Variants in TMEM65 observed in about 807,000 individuals in gnomAD.
The protein encoded by TMEM65 is transmembrane protein 65.
Under a neutral mutation model 25.4 loss-of-function variants are expected in TMEM65, and 22 were observed. That is an observed-to-expected ratio of 0.86 (90% confidence interval 0.62 to 1.23). The LOEUF (loss-of-function observed/expected upper bound fraction) is 1.23, where lower values mean the gene tolerates loss of function less well. Among genes scored for constraint, TMEM65 ranks in the 50% most tolerant of loss-of-function variants. The pLI, the probability that TMEM65 is intolerant of heterozygous loss-of-function variation, is 0.00. For synonymous variants in TMEM65, 132 were observed against 126.2 expected (o/e 1.05, Z -0.31); for missense variants, 262 against 308.2 (o/e 0.85, Z 1.12).
intron 6 of TMEM65, among the ~76,000 whole-genome samples, chr8:124,318,444 G>A (rs1337047490): frequency 8.1e-6 from 1 of 123,636 alleles, no homozygotes; most frequent in African/African-American, 3.1e-5. Flanking sequence ...GCTTGATCTC[G>A]GCTCACTGCA....
At position 124,372,172 on chromosome 8, in the gene TMEM65, C is replaced by T. The variant is rs1427907367; in HGVS notation, c.-15G>A. ...AGCCGGGACATGGCGAGCTGAGGAGCTGGGACCCCCGCGGCCGTCCGGCAA... is the reference window on the plus strand; with the variant it reads ...AGCCGGGACATGGCGAGCTGAGGAGTTGGGACCCCCGCGGCCGTCCGGCAA... On this transcript the variant is annotated 5_prime_UTR_variant, in exon 1 of 7. Coordinates refer to ENST00000297632, the MANE Select transcript of TMEM65 (RefSeq NM_194291.3). 2.3e-6 allele frequency: 3 copies of T among 1,285,100 alleles called. No homozygotes were observed. The highest frequency in any genetic ancestry group is 4.1e-5 in the Admixed American group (1 of 24,632). The allele number at this position is 1,285,100 out of a possible 1,614,324, so 79.6% of individuals were successfully genotyped here.
intron 6 of TMEM65, among the ~76,000 whole-genome samples, chr8:124,318,233 T>C (rs1169188613): frequency 6.6e-6 from 1 of 152,008 alleles, no homozygotes; most frequent in African/African-American, 2.4e-5. Context: ...ATTGAGCTTC[T>C]AGACAGGAAC....
intron 1 of TMEM65, among the ~76,000 whole-genome samples, chr8:124,337,541 T>C (rs1340614791): frequency 1.3e-5 from 2 of 152,042 alleles, no homozygotes; most frequent in Non-Finnish European, 2.9e-5. Context: ...AAGAAATACA[T>C]AGGATAGAAA....
chr8:124,365,943 G>A (rs767377008), intron 1 of TMEM65, among the ~76,000 whole-genome samples: 1 of 152,170 alleles, frequency 6.6e-6, no homozygotes, highest in Non-Finnish European at 1.5e-5. Context: ...AATACAGGCC[G>A]GGCGTGGAGG....
At chr8:124,364,252 T>A (rs919782252) in intron 1 of TMEM65, among the ~76,000 whole-genome samples, 1 of 152,024 alleles carries the variant, frequency 6.6e-6, no homozygotes, top group Non-Finnish European at 1.5e-5. Context: ...AAAATCAGAC[T>A]TTAGAAACAA....
At chr8:124,356,659 C>T (rs573160207) in intron 1 of TMEM65, among the ~76,000 whole-genome samples, 15 of 152,228 alleles carry the variant, frequency 9.9e-5, no homozygotes, top group African/African-American at 3.4e-4. Flanking sequence ...CACACCTCAG[C>T]CCCAATATTC....
intron 1 of TMEM65, among the ~76,000 whole-genome samples, chr8:124,368,455 G>C (rs1375587046): frequency 6.6e-6 from 1 of 152,048 alleles, no homozygotes; most frequent in Non-Finnish European, 1.5e-5. Flanking sequence ...ACCTTCTGTA[G>C]TACTCTCCCA....
At chr8:124,323,711 G>A (rs1429630682) in intron 3 of TMEM65, among the ~76,000 whole-genome samples, 2 of 151,628 alleles carry the variant, frequency 1.3e-5, no homozygotes, top group Admixed American at 6.6e-5. Flanking sequence ...AAACAAGACC[G>A]ACTCACATTG....
intron 1 of TMEM65, among the ~76,000 whole-genome samples, chr8:124,341,409 C>A (rs535837851): frequency 2.7e-4 from 41 of 152,004 alleles, no homozygotes; most frequent in Admixed American, 1.4e-3. Context: ...GCATTAATAC[C>A]AAAAGTATAC....
rs1489856057 is a variant in TMEM65 at position 124,339,248 on chromosome 8, T to TATATATAA, written c.305-8457_305-8456insTTATATAT. On this transcript the variant is annotated intron_variant, in intron 1 of 6. Coordinates refer to ENST00000297632, the MANE Select transcript of TMEM65 (RefSeq NM_194291.3). ...ATATATATATATATATATATATATATAAAATATTCTTGCAACAAGTAGCTG... is the reference window on the plus strand; with the variant it reads ...ATATATATATATATATATATATATATATATATAAAAAATATTCTTGCAACAAGTAGCTG... Among the ~76,000 whole-genome samples the TATATATAA allele has an allele frequency of 4.6e-3, 481 of 104,296 alleles. 25 individuals carry two copies. Among genetic ancestry groups the TATATATAA allele is most frequent in the African/African-American group, 0.019 (453 of 23,562 alleles). The allele number at this position is 104,296 out of a possible 152,430, so 68.4% of individuals were successfully genotyped here. A position where few individuals can be genotyped will look rare whatever the true frequency, so the allele number is the denominator to read the frequency against.
intron 1 of TMEM65, among the ~76,000 whole-genome samples, chr8:124,331,558 A>C (rs1814432364): frequency 1.3e-5 from 2 of 151,740 alleles, no homozygotes; most frequent in South Asian, 4.1e-4. Context: ...GCCAGAGAGT[A>C]TCTTTACGTG....
At chr8:124,319,366 A>G (rs767426587) in intron 6 of TMEM65, among the ~76,000 whole-genome samples, 5 of 152,056 alleles carry the variant, frequency 3.3e-5, no homozygotes, top group South Asian at 2.1e-4. Flanking sequence ...CTGGCTCTCC[A>G]TCACTTAGGT....
At chr8:124,323,300 A>G (rs764825248) in intron 4 of TMEM65, 21 bp downstream of exon 4, 9 of 1,323,030 alleles carry the variant, frequency 6.8e-6, no homozygotes, top group Non-Finnish European at 9.5e-6. Context: ...TGAAATAATA[A>G]CATTTACTAC....
At position 124,372,059 on chromosome 8, in the gene TMEM65, G is replaced by A; in HGVS notation, c.99C>T (p.Cys33=). Residue 33 remains cysteine, a synonymous_variant, in exon 1 of 7, where the codon TGC becomes TGT. Coordinates refer to ENST00000297632, the MANE Select transcript of TMEM65 (RefSeq NM_194291.3). Reference sequence around the variant, plus strand: ...CGAGCGCCAGCAGCCCCCGCCCGCAGCAGCACCAGGACGGCGGGCGGGGCG... The same window carrying A: ...CGAGCGCCAGCAGCCCCCGCCCGCAACAGCACCAGGACGGCGGGCGGGGCG... The part of the protein sequence containing the change: ...AAAPRPPSWC[C]CGRGLLALAP... 6 of 1,188,320 alleles carry A rather than the reference G, an allele frequency of 5.0e-6. No individual in the cohort carries two copies. The highest frequency in any genetic ancestry group is 6.2e-6 in the Non-Finnish European group (6 of 961,510). 73.6% of individuals were successfully genotyped at this position (1,188,320 alleles called of 1,614,324 possible). A position where few individuals can be genotyped will look rare whatever the true frequency, so the allele number is the denominator to read the frequency against.
rs539092358 is a variant in TMEM65 at position 124,309,934 on chromosome 8, A to C, written c.*4026T>G. 2.0e-5 allele frequency: 3 copies of C among 151,002 alleles called. No individual in the cohort carries two copies. The South Asian group carries it at 6.3e-4, about 32-fold the overall frequency. The allele number at this position is 151,002 out of a possible 1,614,324, so 9.4% of individuals were successfully genotyped here. A position where few individuals can be genotyped will look rare whatever the true frequency, so the allele number is the denominator to read the frequency against. On this transcript the variant is annotated 3_prime_UTR_variant, in exon 7 of 7. Coordinates refer to ENST00000297632, the MANE Select transcript of TMEM65 (RefSeq NM_194291.3). Reference sequence around the variant, plus strand: ...CTCGGTGGCACGTGCCTGTAATCCCAGCTACTCAGGAGGTCAGGAGTCTGA... The same window carrying C: ...CTCGGTGGCACGTGCCTGTAATCCCCGCTACTCAGGAGGTCAGGAGTCTGA...
intron 1 of TMEM65, among the ~76,000 whole-genome samples, chr8:124,345,656 C>G (rs1375021085): frequency 2.6e-5 from 4 of 152,102 alleles, no homozygotes; most frequent in Admixed American, 1.3e-4. Context: ...TTAAATTTAA[C>G]ATTACCGTAT....
At chr8:124,320,495 T>C (rs1814291133) in intron 5 of TMEM65, among the ~76,000 whole-genome samples, 1 of 152,202 alleles carries the variant, frequency 6.6e-6, no homozygotes, top group African/African-American at 2.4e-5. Flanking sequence ...GTATTCTCTA[T>C]TATTATTTTT....
intron 1 of TMEM65, among the ~76,000 whole-genome samples, chr8:124,336,685 G>A (rs1814511301): frequency 6.6e-6 from 1 of 151,780 alleles, no homozygotes; most frequent in African/African-American, 2.4e-5. Flanking sequence ...GAATGCTTAG[G>A]GGGAAATTTA....
intron 1 of TMEM65, among the ~76,000 whole-genome samples, chr8:124,360,578 GCT>G (rs1814846814): frequency 6.6e-6 from 1 of 152,084 alleles, no homozygotes; most frequent in African/African-American, 2.4e-5. Context: ...GCTTTTCCTG[GCT>G]CTCTTGCCTT....
Sources: allele counts gnomAD v4.1 joint callset (sites outside exome capture counted in the v4.1 genomes callset), GRCh38; gene constraint gnomAD v4.1.1; transcripts MANE v1.5; gene names NCBI Gene and HGNC (gene_info 2026-07-23, HGNC 2026-07-21).